ITPRID2: variants seen among roughly 807,000 people sequenced by gnomAD.
ITPRID2 encodes the protein ITPR interacting domain containing 2, also known as protein ITPRID2.
In ITPRID2, 60 loss-of-function variants were observed where a neutral mutation model predicts 124.3. The ratio of observed to expected loss-of-function variants is 0.48; its 90% CI spans 0.39 to 0.60. The LOEUF (loss-of-function observed/expected upper bound fraction) is 0.60. Ranked by LOEUF, ITPRID2 falls within the 20% of genes least tolerant of loss-of-function variation. The probability of loss-of-function intolerance (pLI) is 0.00; values close to 1 mark genes in which losing one functional copy is unlikely to be tolerated. For missense variants in ITPRID2, 1,553 were observed against 1,512.2 expected, an observed-to-expected ratio of 1.03 and a Z score of -0.45; for synonymous variants, 521 against 542.9, an observed-to-expected ratio of 0.96 and a Z score of 0.56.
rs1000171421 is a variant in ITPRID2, at chr2:181,927,464, T to G, written c.3676-697T>G. Among the ~76,000 whole-genome samples, 25 of 152,292 alleles carry G rather than the reference T, an allele frequency of 1.6e-4. 1 individual carries two copies. The highest frequency in any genetic ancestry group is 6.8e-3 in the Middle Eastern group (2 of 294). On this transcript the variant is annotated intron_variant, in intron 16 of 17. Transcript: ENST00000431877. The stretch of plus-strand genomic sequence containing the variant: ...CTGATGGAATTGTCATTTCCTCAGG[T>G]CTGTTTGCCTTTTCCAACAATAAAA...
intron 16 of ITPRID2, 49 bp from the exon 17 acceptor site, chr2:181,928,112 A>C: frequency 8.0e-7 from 1 of 1,249,260 alleles, no homozygotes; most frequent in Admixed American, 2.7e-5. Flanking sequence ...GGAAAAAATG[A>C]ATTCCATTCA....
At chr2:181,906,345 T>G (rs1430065988) in intron 8 of ITPRID2, among the ~76,000 whole-genome samples, 1 of 152,206 alleles carries the variant, frequency 6.6e-6, no homozygotes, top group Non-Finnish European at 1.5e-5. Context: ...CTGTTGTACA[T>G]TCTTACTACT....
intron 9 of ITPRID2, among the ~76,000 whole-genome samples, chr2:181,912,380 G>A (rs1371082402): frequency 1.3e-5 from 2 of 152,178 alleles, no homozygotes; most frequent in African/African-American, 2.4e-5. Flanking sequence ...GCTTATTGCA[G>A]TTCAGTTTCA....
At position 181,892,300 on chromosome 2, in the gene ITPRID2, C is replaced by T. The variant is rs2125054152; in HGVS notation, c.211+23C>T. On this transcript the variant is annotated intron_variant, in intron 1 of 17. Coordinates refer to ENST00000431877, the MANE Select transcript of ITPRID2 (RefSeq NM_001130445.3). This position sits in a 1 kb window ranked among gnomAD's most constrained non-coding sequence, Gnocchi z 5.2. The stretch of plus-strand genomic sequence containing the variant: ...GAGGTCGGTGCTCCCGGCCGGGCTC[C>T]GGGGGGAGGCTGGTGGGCTGGGGAG... 1.3e-6 allele frequency: 2 copies of T among 1,531,852 alleles called. No homozygotes were observed. The highest frequency in any genetic ancestry group is 1.2e-5 in the South Asian group (1 of 82,068). 94.9% of individuals were successfully genotyped at this position (1,531,852 alleles called of 1,614,324 possible).
At chr2:181,916,935 T>C (rs1694107211) in intron 11 of ITPRID2, 2 of 991,626 alleles carry the variant, frequency 2.0e-6, no homozygotes, top group Non-Finnish European at 2.4e-6. Context: ...CTCGATGCTG[T>C]GCACAGAGTT....
chr2:181,925,339 T>G (rs1481291471), intron 16 of ITPRID2, among the ~76,000 whole-genome samples: 2 of 152,170 alleles, frequency 1.3e-5, no homozygotes, highest in Non-Finnish European at 2.9e-5. Context: ...TTAGCCTACA[T>G]TTTTTTGGAA....
At chr2:181,894,408 C>G (rs1336173660) in intron 2 of ITPRID2, 1 of 152,076 alleles carries the variant, frequency 6.6e-6, no homozygotes, top group Admixed American at 6.5e-5. Flanking sequence ...CCTACAGTTG[C>G]ACCTATTCTA....
chr2:181,909,823 A>G (rs750966346), intron 8 of ITPRID2, 76 bp from the exon 9 acceptor site: 1 of 1,077,078 alleles, frequency 9.3e-7, no homozygotes. Context: ...GATTTGTTTA[A>G]TAGATATTTA....
Position 181,919,592 on chromosome 2 carries a change from C to A in ITPRID2, c.3144+146C>A. 1.3e-6 allele frequency: 1 copy of A among 743,148 alleles called. No individual in the cohort carries two copies. The highest frequency in any genetic ancestry group is 1.9e-6 in the Non-Finnish European group (1 of 518,726). The allele number at this position is 743,148 out of a possible 1,614,324, so 46.0% of individuals were successfully genotyped here. ...CTGTTTAAGGAGCTTTCCCACAAAT[C>A]AGTTGAATGTACAATTTGTAATAAT... On this transcript the variant is annotated intron_variant, in intron 14 of 17. Coordinates refer to ENST00000431877, the MANE Select transcript of ITPRID2 (RefSeq NM_001130445.3). The surrounding 1 kb of genome is among the most constrained non-coding windows in gnomAD (Gnocchi z 4.2).
intron 11 of ITPRID2, chr2:181,916,913 C>A: frequency 1.0e-6 from 1 of 994,880 alleles, no homozygotes; most frequent in Non-Finnish European, 1.2e-6. Context: ...CTTTCCCCTT[C>A]ACCTACTGAC....
Position 181,919,831 on chromosome 2 carries a change from TA to T in ITPRID2, c.3144+391del, listed in dbSNP as rs1196713608. 6.6e-6 allele frequency among the ~76,000 whole-genome samples: 1 copy of T among 151,944 alleles called. No homozygotes were observed. The highest frequency in any genetic ancestry group is 6.5e-5 in the Admixed American group (1 of 15,272). On this transcript the variant is annotated intron_variant, in intron 14 of 17. Transcript: ENST00000431877. The surrounding 1 kb of genome is among the most constrained non-coding windows in gnomAD (Gnocchi z 4.2). ...TTTTTTTTTCTTTCATGCCTTTAAATAAAAAAGTGTTCCTTTTAAACTTTTT... is the reference window on the plus strand; with the variant it reads ...TTTTTTTTTCTTTCATGCCTTTAAATAAAAAGTGTTCCTTTTAAACTTTTT...
chr2:181,923,649 T>A (rs1292428430), intron 16 of ITPRID2, among the ~76,000 whole-genome samples: 1 of 152,192 alleles, frequency 6.6e-6, no homozygotes, highest in Non-Finnish European at 1.5e-5. Flanking sequence ...CACACTATAT[T>A]TGCTAACTGA....
In ITPRID2 at chr2:181,892,529, A is replaced by G. The variant is rs1691821057; in HGVS notation, c.212-86A>G. On this transcript the variant is annotated intron_variant, in intron 1 of 17. Coordinates refer to ENST00000431877, the MANE Select transcript of ITPRID2 (RefSeq NM_001130445.3). The surrounding 1 kb of genome is among the most constrained non-coding windows in gnomAD (Gnocchi z 5.2). Reference sequence around the variant, plus strand: ...GCTTAGGCTGCATTTGCCGTGGTAGATTTTCCTACTTGGGAGGGTCCAGGG... The same window carrying G: ...GCTTAGGCTGCATTTGCCGTGGTAGGTTTTCCTACTTGGGAGGGTCCAGGG... 1 of 1,546,068 alleles carries G rather than the reference A, an allele frequency of 6.5e-7. No individual in the cohort carries two copies. The highest frequency in any genetic ancestry group is 2.2e-5 in the East Asian group (1 of 44,458).
rs1260093781 is a variant in ITPRID2, at chr2:181,918,843, A to G, written c.2954A>G (p.Gln985Arg). The G allele has an allele frequency of 6.2e-7, 1 of 1,614,216 alleles. No homozygotes were observed. Among genetic ancestry groups the G allele is most frequent in the South Asian group, 1.1e-5 (1 of 91,092 alleles). Reference sequence around the variant, plus strand: ...GATTTAGAATTGGCAATGCTGCGTCAGCAAACCATGGTTTATCATCATATG... The same window carrying G: ...GATTTAGAATTGGCAATGCTGCGTCGGCAAACCATGGTTTATCATCATATG... ...MMDLELAMLR[Q>R]QTMVYHHMTE... Residue 985 changes from glutamine (Q) to arginine (R), a missense_variant, in exon 13 of 18, where the codon CAG becomes CGG. Gln to Arg is a conservative substitution (Grantham distance 43, BLOSUM62 1). Transcript: ENST00000431877.
rs1574182642 is a variant in ITPRID2, at chr2:181,892,482, C to A, written c.212-133C>A. On this transcript the variant is annotated intron_variant, in intron 1 of 17. Coordinates refer to ENST00000431877, the MANE Select transcript of ITPRID2 (RefSeq NM_001130445.3). This position sits in a 1 kb window ranked among gnomAD's most constrained non-coding sequence, Gnocchi z 5.2. ...AACTGGGTGCCATCCGATTTCCCTG[C>A]CAAGGGACACTGAGACGTGTCGCTT... 1.6e-6 allele frequency: 2 copies of A among 1,262,032 alleles called. No individual in the cohort carries two copies. Among genetic ancestry groups the A allele is most frequent in the Non-Finnish European group, 2.3e-6 (2 of 881,160 alleles). The allele number at this position is 1,262,032 out of a possible 1,614,324, so 78.2% of individuals were successfully genotyped here.
chr2:181,893,985 A>G (rs1291909930), intron 2 of ITPRID2: 1 of 152,156 alleles, frequency 6.6e-6, no homozygotes, highest in African/African-American at 2.4e-5. Context: ...TTGTTTTGTA[A>G]CTTTTACTTA....
chr2:181,901,736 A>G (rs772705486), intron 7 of ITPRID2, 30 bp from the exon 8 acceptor site: 17 of 1,468,974 alleles, frequency 1.2e-5, no homozygotes, highest in Middle Eastern at 3.6e-4. Context: ...ATAAATATAA[A>G]CATATCATTA....
intron 17 of ITPRID2, among the ~76,000 whole-genome samples, chr2:181,928,812 G>C (rs1234381423): frequency 2.0e-5 from 3 of 151,950 alleles, no homozygotes; most frequent in Admixed American, 2.0e-4. Context: ...TTTTTTAGTA[G>C]AGACGGGGTT....
chr2:181,929,773 C>A lies in ITPRID2; in HGVS notation c.*226C>A. The A allele has an allele frequency of 1.8e-6, 1 of 570,426 alleles. No homozygotes were observed. Among genetic ancestry groups the A allele is most frequent in the Non-Finnish European group, 2.9e-6 (1 of 344,850 alleles). 35.3% of individuals were successfully genotyped at this position (570,426 alleles called of 1,614,324 possible). ...TTTTCTAAACTATCAAAAACTCTAG[C>A]AGTTTGAAAAGCCTAATATTTATTT... On this transcript the variant is annotated 3_prime_UTR_variant, in exon 18 of 18. Transcript: ENST00000431877.
Sources: allele counts gnomAD v4.1 joint callset (sites outside exome capture counted in the v4.1 genomes callset), GRCh38; gene constraint gnomAD v4.1.1; non-coding constraint Gnocchi (gnomAD v3.1); transcripts MANE v1.5; gene names NCBI Gene and HGNC (gene_info 2026-07-23, HGNC 2026-07-21).